BEGAIN: variants seen among roughly 807,000 people sequenced by gnomAD.
BEGAIN encodes brain enriched guanylate kinase associated.
A neutral mutation model predicts 35.8 loss-of-function variants in BEGAIN; 19 were observed. That is an observed-to-expected ratio of 0.53 (90% CI 0.37 to 0.78). The LOEUF is 0.78. BEGAIN is among the 30% of genes least tolerant of loss of function. The probability of loss-of-function intolerance (pLI) is 0.00; values close to 1 mark genes in which losing one functional copy is unlikely to be tolerated. For synonymous variants in BEGAIN, 462 were observed against 388.6 expected (o/e 1.19, Z -2.22); for missense variants, 795 against 853.6 (o/e 0.93, Z 0.85).
intron 3 of BEGAIN, chr14:100,545,312 C>T: frequency 7.4e-7 from 1 of 1,346,092 alleles, no homozygotes; most frequent in Non-Finnish European, 9.6e-7. Flanking sequence ...ACCCCGGGAC[C>T]CCCTGAAGAT....
At chr14:100,583,718 C>G (rs1302189561) in intron 1 of BEGAIN, among the ~76,000 whole-genome samples, 1 of 35,442 alleles carries the variant, frequency 2.8e-5, no homozygotes, top group Non-Finnish European at 8.5e-5. Flanking sequence ...TTGATGGAGT[C>G]TCACTCTGTT....
rs1356105184 is a variant in BEGAIN at position 100,568,047 on chromosome 14, C to T, written c.43-108G>A. The T allele has an allele frequency of 5.3e-6, 6 of 1,138,196 alleles. No individual in the cohort carries two copies. The highest frequency in any genetic ancestry group is 3.8e-4 in the Middle Eastern group (1 of 2,634). The allele number at this position is 1,138,196 out of a possible 1,614,324, so 70.5% of individuals were successfully genotyped here. On this transcript the variant is annotated intron_variant, in intron 1 of 6. Coordinates refer to ENST00000554140, the MANE Select transcript of BEGAIN (RefSeq NM_001385089.1). This position sits in a 1 kb window ranked among gnomAD's most constrained non-coding sequence, Gnocchi z 7.5. Reference sequence around the variant, plus strand: ...ACGGCCGGGCAACCCCGCGGGGCCCCGTCCGTGGGAAGCCCGGCGCCGCGC... The same window carrying T: ...ACGGCCGGGCAACCCCGCGGGGCCCTGTCCGTGGGAAGCCCGGCGCCGCGC...
intron 1 of BEGAIN, among the ~76,000 whole-genome samples, chr14:100,578,479 C>A (rs1428518492): frequency 1.3e-5 from 2 of 152,268 alleles, no homozygotes; most frequent in Non-Finnish European, 2.9e-5. Flanking sequence ...TCCTCCCATG[C>A]ATCCTTATTA....
At chr14:100,561,521 G>A (rs927755761) in intron 2 of BEGAIN, among the ~76,000 whole-genome samples, 1 of 152,190 alleles carries the variant, frequency 6.6e-6, no homozygotes, top group African/African-American at 2.4e-5. Context: ...GGCCGAGGCA[G>A]GAGGATCACT....
At chr14:100,580,223 A>C (rs1463453857) in intron 1 of BEGAIN, among the ~76,000 whole-genome samples, 1 of 152,204 alleles carries the variant, frequency 6.6e-6, no homozygotes, top group African/African-American at 2.4e-5. Flanking sequence ...GAATCACTTG[A>C]ACCCGGGAGG....
At position 100,573,849 on chromosome 14, in the gene BEGAIN, G is replaced by A. The variant is rs532464433; in HGVS notation, c.43-5910C>T. On this transcript the variant is annotated intron_variant, in intron 1 of 6. Coordinates refer to ENST00000554140, the MANE Select transcript of BEGAIN (RefSeq NM_001385089.1). The surrounding 1 kb of genome is among the most constrained non-coding windows in gnomAD (Gnocchi z 4.2). ...CTGGGGAGGCCGCCAGGGCAGCCAC[G>A]GTGGGAGGCGACAGGGGCTGGGACA... Among the ~76,000 whole-genome samples, 46 of 152,176 alleles carry A rather than the reference G, an allele frequency of 3.0e-4. No homozygotes were observed. The highest frequency in any genetic ancestry group is 1.1e-3 in the African/African-American group (44 of 41,508).
In BEGAIN at chr14:100,537,617, C is replaced by T; in HGVS notation, c.*352G>A. ...TAAAGGAGCTTTGTGTTGAAAACGC[C>T]AAGGCAGCCGTCCAGGGAGCTGGAG... is the stretch of plus-strand genomic sequence containing the variant. On this transcript the variant is annotated 3_prime_UTR_variant, in exon 7 of 7. Transcript: ENST00000554140. The T allele has an allele frequency of 4.2e-6, 1 of 238,210 alleles. No individual in the cohort carries two copies. Among genetic ancestry groups the T allele is most frequent in the Non-Finnish European group, 8.1e-6 (1 of 123,500 alleles). The allele number at this position is 238,210 out of a possible 1,614,324, so 14.8% of individuals were successfully genotyped here.
At chr14:100,560,946 C>T (rs1257645262) in intron 2 of BEGAIN, among the ~76,000 whole-genome samples, 3 of 152,130 alleles carry the variant, frequency 2.0e-5, no homozygotes, top group African/African-American at 7.2e-5. Context: ...TTTGCAGACA[C>T]GGGGGACCTT....
chr14:100,542,097 C>T (rs534737881), intron 5 of BEGAIN, among the ~76,000 whole-genome samples: 4 of 152,288 alleles, frequency 2.6e-5, no homozygotes, highest in African/African-American at 4.8e-5. Flanking sequence ...GGCCTTGTCA[C>T]GTTAAGAAGC....
chr14:100,551,345 G>T (rs114548576), intron 2 of BEGAIN, among the ~76,000 whole-genome samples: 1,634 of 152,198 alleles, frequency 0.011, 26 homozygotes, highest in African/African-American at 0.038. Context: ...TCGCAGAGAC[G>T]CCCGGGCAGC....
chr14:100,572,241 C>T (rs965052215), intron 1 of BEGAIN, among the ~76,000 whole-genome samples: 4 of 152,220 alleles, frequency 2.6e-5, no homozygotes, highest in Non-Finnish European at 2.9e-5. Flanking sequence ...GTCAGTCCTG[C>T]TGTGGCCCCC....
At chr14:100,561,071 A>G (rs1306262427) in intron 2 of BEGAIN, among the ~76,000 whole-genome samples, 3 of 152,166 alleles carry the variant, frequency 2.0e-5, no homozygotes, top group Non-Finnish European at 4.4e-5. Context: ...TGCGGGCCTG[A>G]CATGGAGCCC....
At position 100,568,417 on chromosome 14, in the gene BEGAIN, G is replaced by C; in HGVS notation, c.43-478C>G. 7.8e-7 allele frequency: 1 copy of C among 1,277,234 alleles called. No homozygotes were observed. The highest frequency in any genetic ancestry group is 1.0e-6 in the Non-Finnish European group (1 of 980,996). 79.1% of individuals were successfully genotyped at this position (1,277,234 alleles called of 1,614,324 possible). On this transcript the variant is annotated intron_variant, in intron 1 of 6. Coordinates refer to ENST00000554140, the MANE Select transcript of BEGAIN (RefSeq NM_001385089.1). This position sits in a 1 kb window ranked among gnomAD's most constrained non-coding sequence, Gnocchi z 7.5. Reference sequence around the variant, plus strand: ...GGAGAATGTTGGGGAATTCGGGGCCGTGCAGGATTGCAGAACCTGACACTC... The same window carrying C: ...GGAGAATGTTGGGGAATTCGGGGCCCTGCAGGATTGCAGAACCTGACACTC...
Position 100,538,719 on chromosome 14 carries a change from C to T in BEGAIN, c.1089G>A (p.Glu363=), listed in dbSNP as rs1399466769. ...TGGCCTTGGCAAAGCGAGGGCTGCC[C>T]TCGTAGGTGGTGGCGGGTGGCTTGC... The part of the protein sequence containing the change: ...FDRKPPATTY[E]GSPRFAKATA... The change falls in exon 7 of 7, where the codon GAG becomes GAA. Residue 363 remains glutamate (E), a synonymous_variant. Coordinates refer to ENST00000554140, the MANE Select transcript of BEGAIN (RefSeq NM_001385089.1). 1.3e-6 allele frequency: 2 copies of T among 1,566,176 alleles called. No homozygotes were observed. Among genetic ancestry groups the T allele is most frequent in the Non-Finnish European group, 1.7e-6 (2 of 1,156,060 alleles).
chr14:100,540,691 G>T, intron 5 of BEGAIN, 112 bp from the exon 6 acceptor site: 2 of 748,064 alleles, frequency 2.7e-6, no homozygotes, highest in Non-Finnish European at 4.5e-6. Flanking sequence ...CCTGCTGTGC[G>T]CTCAGCAGGA....
At chr14:100,545,106 T>C in intron 3 of BEGAIN, 40 bp from the exon 4 acceptor site, 1 of 1,611,826 alleles carries the variant, frequency 6.2e-7, no homozygotes, top group Non-Finnish European at 8.5e-7. Context: ...ATGCAAGGCC[T>C]GTCCCTCCCA....
In BEGAIN at chr14:100,538,192, TC is replaced by T. The variant is rs749168305; in HGVS notation, c.1615del (p.Asp539ThrfsTer57). ...CAGCTGCACCCCGAGCCTGTCCCCG[TC>T]CCCCCCCTCGCTGGGTGCATAGCCG... ...LPGYAPSEGG[D>X]GDRLGVQLCG... On this transcript the variant is annotated frameshift_variant, in exon 7 of 7. Coordinates refer to ENST00000554140, the MANE Select transcript of BEGAIN (RefSeq NM_001385089.1). LOFTEE classifies it high-confidence loss of function. 62 of 1,538,730 alleles carry T rather than the reference TC, an allele frequency of 4.0e-5. No homozygotes were observed. Among genetic ancestry groups the T allele is most frequent in the Admixed American group, 2.5e-4 (13 of 51,150 alleles).
intron 2 of BEGAIN, among the ~76,000 whole-genome samples, chr14:100,566,658 C>T (rs1240379042): frequency 1.3e-5 from 2 of 152,186 alleles, no homozygotes; most frequent in African/African-American, 4.8e-5. Context: ...CTTTGGGCCT[C>T]ACCGCCCCCA....
At chr14:100,557,487 CTT>C (rs2033860240) in intron 2 of BEGAIN, among the ~76,000 whole-genome samples, 1 of 152,206 alleles carries the variant, frequency 6.6e-6, no homozygotes, top group Admixed American at 6.5e-5. Context: ...CACCCACTCT[CTT>C]TCCAGCTCAG....
Sources: gnomAD v4.1 joint callset for allele counts (sites outside exome capture counted in the v4.1 genomes callset) on GRCh38, gnomAD v4.1.1 for gene constraint, Gnocchi (gnomAD v3.1) non-coding constraint, MANE v1.5 for transcripts, NCBI Gene and HGNC (gene_info 2026-07-23, HGNC 2026-07-21) for gene names.